The following IRAG1 variants were observed in gnomAD, a reference collection of about 807,000 sequenced individuals.
IRAG1 encodes the protein IP3R-associated cGMP kinase substrate.
Under a neutral mutation model 106.2 loss-of-function variants are expected in IRAG1, and 62 were observed. The ratio of observed to expected loss-of-function variants is 0.58; its 90% CI spans 0.48 to 0.72. IRAG1 has a LOEUF of 0.72. Among genes scored for constraint, IRAG1 ranks in the 30% least tolerant of loss-of-function variants. The probability of loss-of-function intolerance (pLI) is 0.00; values close to 1 mark genes in which losing one functional copy is unlikely to be tolerated. For missense variants in IRAG1, 1,064 were observed against 1,140.7 expected (o/e 0.93, Z 0.97); for synonymous variants, 462 against 443.9 (o/e 1.04, Z -0.51).
chr11:10,589,627 G>A (rs1315330063), intron 18 of IRAG1, among the ~76,000 whole-genome samples: 2 of 152,116 alleles, frequency 1.3e-5, no homozygotes, highest in Non-Finnish European at 2.9e-5. Context: ...AGGGGAAGCT[G>A]TTGTTCATCC....
intron 18 of IRAG1, among the ~76,000 whole-genome samples, chr11:10,584,306 T>G (rs904962613): frequency 6.6e-6 from 1 of 152,136 alleles, no homozygotes; most frequent in African/African-American, 2.4e-5. Context: ...TCTCTTAGTT[T>G]TCCTCAGACC....
intron 10 of IRAG1, among the ~76,000 whole-genome samples, chr11:10,610,133 T>C (rs1230669147): frequency 1.3e-5 from 2 of 152,242 alleles, no homozygotes; most frequent in Admixed American, 1.3e-4. Flanking sequence ...TGTTATGTTC[T>C]TCCCTTTGCT....
intron 1 of IRAG1, among the ~76,000 whole-genome samples, chr11:10,677,327 C>T (rs571976750): frequency 8.5e-5 from 13 of 152,298 alleles, no homozygotes; most frequent in African/African-American, 2.9e-4. Flanking sequence ...ATCAATGTCT[C>T]CCTTGTACAT....
chr11:10,640,577 G>A (rs536974669), intron 2 of IRAG1, among the ~76,000 whole-genome samples: 2 of 152,326 alleles, frequency 1.3e-5, no homozygotes, highest in East Asian at 1.9e-4. Context: ...ATCAGGGACT[G>A]GGGAGACAGT....
chr11:10,648,099 C>T (rs1236975519), intron 2 of IRAG1, among the ~76,000 whole-genome samples: 2 of 152,118 alleles, frequency 1.3e-5, no homozygotes, highest in African/African-American at 4.8e-5. Flanking sequence ...CCCGGTGGCT[C>T]ACGCCTGTAA....
At position 10,652,297 on chromosome 11, in the gene IRAG1, C is replaced by T. The variant is rs113882575; in HGVS notation, c.68-115G>A. 4.9e-5 allele frequency: 74 copies of T among 1,521,828 alleles called. No individual in the cohort carries two copies. In the African/African-American group the frequency reaches 5.2e-4, roughly 11 times the overall value. The allele number at this position is 1,521,828 out of a possible 1,614,324, so 94.3% of individuals were successfully genotyped here. A position where few individuals can be genotyped will look rare whatever the true frequency, so the allele number is the denominator to read the frequency against. On this transcript the variant is annotated intron_variant, in intron 1 of 20. Coordinates refer to ENST00000423302, the MANE Select transcript of IRAG1 (RefSeq NM_130385.4). The stretch of plus-strand genomic sequence containing the variant: ...AGCCGGCTTGAGTTTGCATCAACAC[C>T]GGAGGTCAAACCAGGCTAGGAGAGG...
At chr11:10,613,111 G>A (rs1037063291) in intron 10 of IRAG1, among the ~76,000 whole-genome samples, 11 of 152,146 alleles carry the variant, frequency 7.2e-5, no homozygotes, top group Non-Finnish European at 1.5e-5. Context: ...TATGCATTAT[G>A]TTGTCTCCGA....
intron 8 of IRAG1, among the ~76,000 whole-genome samples, chr11:10,627,463 G>C (rs754938726): frequency 3.3e-5 from 5 of 152,128 alleles, no homozygotes; most frequent in Non-Finnish European, 5.9e-5. Context: ...CCAACCAGCA[G>C]CCTGACTGGG....
At chr11:10,615,336 A>T (rs1287812743) in intron 10 of IRAG1, among the ~76,000 whole-genome samples, 2 of 152,230 alleles carry the variant, frequency 1.3e-5, no homozygotes, top group Admixed American at 1.3e-4. Context: ...TGTTGGTGGG[A>T]CTATGAACTG....
intron 13 of IRAG1, among the ~76,000 whole-genome samples, chr11:10,603,837 G>A (rs1037963637): frequency 6.6e-6 from 1 of 152,200 alleles, no homozygotes; most frequent in Admixed American, 6.5e-5. Flanking sequence ...TAATGGAAAG[G>A]TGGTAGTCTG....
intron 1 of IRAG1, among the ~76,000 whole-genome samples, chr11:10,683,993 C>T (rs1267726469): frequency 6.6e-6 from 1 of 151,698 alleles, no homozygotes; most frequent in Non-Finnish European, 1.5e-5. Context: ...TACAATAGCT[C>T]ATGAATATGA....
In IRAG1 at chr11:10,657,378, C is replaced by T. The variant is rs1323361644; in HGVS notation, c.68-5196G>A. 2.6e-5 allele frequency among the ~76,000 whole-genome samples: 4 copies of T among 152,168 alleles called. No homozygotes were observed. Among genetic ancestry groups the T allele is most frequent in the African/African-American group, 7.2e-5 (3 of 41,432 alleles). On this transcript the variant is annotated intron_variant, in intron 1 of 20. Transcript: ENST00000423302. This position sits in a 1 kb window ranked among gnomAD's most constrained non-coding sequence, Gnocchi z 4.1. ...GCCTGTTCTCGGCAGGCAGCAGCAG[C>T]CTCTCATCATGGCGCCAAAGATGCC...
At chr11:10,592,258 A>G (rs960113029) in intron 17 of IRAG1, among the ~76,000 whole-genome samples, 1 of 152,078 alleles carries the variant, frequency 6.6e-6, no homozygotes, top group Non-Finnish European at 1.5e-5. Flanking sequence ...GTTTAAAAGT[A>G]CCCTGTGTGG....
chr11:10,581,711 C>G (rs1851412910), intron 19 of IRAG1, among the ~76,000 whole-genome samples, 156 bp downstream of exon 19: 1 of 152,174 alleles, frequency 6.6e-6, no homozygotes, highest in South Asian at 2.1e-4. Flanking sequence ...TCCTGTGGAA[C>G]AGTCTTGCTC....
At chr11:10,632,760 C>A (rs2134649714) in intron 3 of IRAG1, among the ~76,000 whole-genome samples, 1 of 152,346 alleles carries the variant, frequency 6.6e-6, no homozygotes, top group Middle Eastern at 3.4e-3. Flanking sequence ...GAGCTAACAT[C>A]TAACTTGTAG....
intron 1 of IRAG1, among the ~76,000 whole-genome samples, chr11:10,685,181 C>T (rs893872183): frequency 6.6e-6 from 1 of 152,178 alleles, no homozygotes; most frequent in Admixed American, 6.5e-5. Flanking sequence ...CAGTGGCTTA[C>T]ACCTGTAATC....
intron 1 of IRAG1, among the ~76,000 whole-genome samples, chr11:10,677,846 G>C (rs1860811908): frequency 6.6e-6 from 1 of 152,130 alleles, no homozygotes; most frequent in African/African-American, 2.4e-5. Context: ...GCTTTAACCG[G>C]TTCTGGATAG....
At chr11:10,660,895 T>G (rs1859340720) in intron 1 of IRAG1, among the ~76,000 whole-genome samples, 1 of 152,180 alleles carries the variant, frequency 6.6e-6, no homozygotes, top group African/African-American at 2.4e-5. Flanking sequence ...AGAAATGCCC[T>G]TCCTCCCATC....
chr11:10,615,335 G>T (rs1218079593), intron 10 of IRAG1, among the ~76,000 whole-genome samples: 4 of 152,198 alleles, frequency 2.6e-5, no homozygotes, highest in East Asian at 1.9e-4. Context: ...CTGTTGGTGG[G>T]ACTATGAACT....
Sources: gnomAD v4.1 joint callset for allele counts (sites outside exome capture counted in the v4.1 genomes callset) on GRCh38, gnomAD v4.1.1 for gene constraint, Gnocchi (gnomAD v3.1) non-coding constraint, MANE v1.5 for transcripts, NCBI Gene and HGNC (gene_info 2026-07-23, HGNC 2026-07-21) for gene names.